The following HHAT variants were observed in gnomAD, a reference collection of about 807,000 sequenced individuals.
The protein encoded by HHAT is protein-cysteine N-palmitoyltransferase HHAT.
In HHAT, 47 loss-of-function variants were observed where a neutral mutation model predicts 70.8. That is an observed-to-expected ratio of 0.66 (90% CI 0.53 to 0.85). The LOEUF (loss-of-function observed/expected upper bound fraction) is 0.85, where lower values mean the gene tolerates loss of function less well. Among genes scored for constraint, HHAT ranks in the 40% least tolerant of loss-of-function variants. The pLI, the probability that HHAT is intolerant of heterozygous loss-of-function variation, is 0.00. For synonymous variants in HHAT, 228 were observed against 247.6 expected (o/e 0.92, Z 0.74); for missense variants, 609 against 604.8 (o/e 1.01, Z -0.07).
At chr1:210,655,264 G>A (rs993751803) in intron 11 of HHAT, among the ~76,000 whole-genome samples, 2 of 152,172 alleles carry the variant, frequency 1.3e-5, no homozygotes, top group Non-Finnish European at 2.9e-5. Context: ...CATGGAGGAG[G>A]CAGGGAGGGT....
intron 8 of HHAT, among the ~76,000 whole-genome samples, chr1:210,505,594 G>T (rs2148559393): frequency 6.6e-6 from 1 of 152,278 alleles, no homozygotes; most frequent in South Asian, 2.1e-4. Context: ...TTGAGTCTAG[G>T]TATAAACTTT....
intron 1 of HHAT, among the ~76,000 whole-genome samples, chr1:210,333,902 C>T (rs2085227419): frequency 6.6e-6 from 1 of 152,056 alleles, no homozygotes; most frequent in South Asian, 2.1e-4. Context: ...AGTGATCTGC[C>T]CACCTTGGCC....
intron 8 of HHAT, among the ~76,000 whole-genome samples, chr1:210,504,810 G>A (rs1363047165): frequency 2.6e-5 from 4 of 152,082 alleles, no homozygotes; most frequent in Admixed American, 1.3e-4. Context: ...TTCACAAAAC[G>A]TGTTTGACTG....
intron 2 of HHAT, among the ~76,000 whole-genome samples, chr1:210,355,630 G>A (rs2147997901): frequency 6.6e-6 from 1 of 152,244 alleles, no homozygotes; most frequent in East Asian, 1.9e-4. Flanking sequence ...ATTTCTAAGT[G>A]AGAGTGGTTG....
At chr1:210,362,817 T>C (rs750827932) in intron 2 of HHAT, 35 bp from the exon 3 acceptor site, 2 of 1,587,878 alleles carry the variant, frequency 1.3e-6, no homozygotes, top group Non-Finnish European at 1.7e-6. Flanking sequence ...TTTGTTTAGA[T>C]TTGTGACTAA....
rs201660418 is a variant in HHAT at position 210,653,129 on chromosome 1, T to TTATA, written c.1391-21158_1391-21155dup. ...AGCCATTAGAAAGATCAAAACAGCT[T>TTATA]TATACATACATACATACATACATAC... On this transcript the variant is annotated intron_variant, in intron 11 of 11. Coordinates refer to ENST00000261458, the MANE Select transcript of HHAT (RefSeq NM_018194.6). Among the ~76,000 whole-genome samples the TTATA allele has an allele frequency of 2.3e-3, 318 of 135,474 alleles. 1 individual carries two copies. The highest frequency in any genetic ancestry group is 7.9e-3 in the African/African-American group (303 of 38,334). The allele number at this position is 135,474 out of a possible 152,430, so 88.9% of individuals were successfully genotyped here. A position where few individuals can be genotyped will look rare whatever the true frequency, so the allele number is the denominator to read the frequency against.
chr1:210,365,429 A>C (rs1339494113), intron 3 of HHAT, among the ~76,000 whole-genome samples: 1 of 140,018 alleles, frequency 7.1e-6, no homozygotes, highest in East Asian at 2.1e-4. Context: ...TGATTCTCCC[A>C]CATCAGCTTC....
chr1:210,542,967 G>A (rs1330717649), intron 9 of HHAT, among the ~76,000 whole-genome samples: 2 of 152,174 alleles, frequency 1.3e-5, no homozygotes, highest in East Asian at 1.9e-4. Flanking sequence ...TTTGCCAACA[G>A]AGGTAGATTA....
At chr1:210,600,945 C>T (rs764919692) in intron 10 of HHAT, among the ~76,000 whole-genome samples, 48 of 152,050 alleles carry the variant, frequency 3.2e-4, no homozygotes, top group Non-Finnish European at 6.5e-4. Flanking sequence ...GCCTCCGCCT[C>T]TTTGCCCCAA....
intron 9 of HHAT, among the ~76,000 whole-genome samples, chr1:210,534,640 C>A (rs553447339): frequency 1.3e-5 from 2 of 152,172 alleles, no homozygotes; most frequent in East Asian, 3.9e-4. Context: ...ATATACATAG[C>A]CTGAAGGTAA....
chr1:210,453,862 G>T (rs1185180893), intron 7 of HHAT, among the ~76,000 whole-genome samples: 1 of 152,158 alleles, frequency 6.6e-6, no homozygotes, highest in African/African-American at 2.4e-5. Context: ...GACTGTATTA[G>T]TTTGTTTTCA....
chr1:210,660,978 A>G (rs1161701089), intron 11 of HHAT, among the ~76,000 whole-genome samples: 1 of 152,218 alleles, frequency 6.6e-6, no homozygotes, highest in African/African-American at 2.4e-5. Context: ...AAGAAAACCT[A>G]GGCAATACCA....
intron 7 of HHAT, among the ~76,000 whole-genome samples, chr1:210,431,651 A>G (rs555574701): frequency 6.6e-6 from 1 of 151,940 alleles, no homozygotes; most frequent in African/African-American, 2.4e-5. Context: ...CCTTGTGGCC[A>G]TAACTGCATC....
chr1:210,356,068 T>G (rs935482384), intron 2 of HHAT, among the ~76,000 whole-genome samples: 59 of 151,306 alleles, frequency 3.9e-4, no homozygotes, highest in African/African-American at 1.3e-3. Context: ...AGGCACACAG[T>G]ACCACACTTG....
intron 7 of HHAT, among the ~76,000 whole-genome samples, chr1:210,434,928 A>G (rs541906108): frequency 2.0e-5 from 3 of 151,894 alleles, no homozygotes; most frequent in African/African-American, 4.9e-5. Flanking sequence ...ATACATTCAT[A>G]TAATCAGAGT....
Position 210,623,633 on chromosome 1 carries a change from G to A in HHAT, c.1353G>A (p.Glu451=). 2.5e-6 allele frequency: 4 copies of A among 1,614,006 alleles called. No homozygotes were observed. Among genetic ancestry groups the A allele is most frequent in the South Asian group, 1.1e-5 (1 of 91,020 alleles). The change falls in exon 11 of 12, where the codon GAG becomes GAA. Residue 451 remains glutamate, a synonymous_variant. Coordinates refer to ENST00000261458, the MANE Select transcript of HHAT (RefSeq NM_018194.6). ...ACCTGGTATTTCTTGGGGGCAATGA[G>A]GTTGGGAAAACCTACTGGAATAGGA... is the stretch of plus-strand genomic sequence containing the variant. The part of the protein sequence containing the change: ...LSNLVFLGGN[E]VGKTYWNRIF...
rs1445792454 is a variant in HHAT at position 210,595,817 on chromosome 1, GT to G, written c.1245+7727del. Among the ~76,000 whole-genome samples the G allele has an allele frequency of 1.3e-5, 2 of 150,814 alleles. 1 individual carries two copies. The highest frequency in any genetic ancestry group is 4.2e-4 in the South Asian group (2 of 4,736). Reference sequence around the variant, plus strand: ...CGCCCACTTTTTGATGGGGTTGTTTGTTTTTTTTTCTTGTAAATTTGTTTGA... The same window carrying G: ...CGCCCACTTTTTGATGGGGTTGTTTGTTTTTTTTCTTGTAAATTTGTTTGA... On this transcript the variant is annotated intron_variant, in intron 10 of 11. Coordinates refer to ENST00000261458, the MANE Select transcript of HHAT (RefSeq NM_018194.6).
chr1:210,349,652 C>CTTTTT (rs34752131), intron 2 of HHAT, among the ~76,000 whole-genome samples: 7 of 135,918 alleles, frequency 5.2e-5, no homozygotes, highest in South Asian at 2.4e-4. Context: ...CTACCTAAAA[C>CTTTTT]TTTTTTTTTT....
At chr1:210,425,938 G>A (rs2093049045) in intron 7 of HHAT, among the ~76,000 whole-genome samples, 1 of 152,124 alleles carries the variant, frequency 6.6e-6, no homozygotes, top group African/African-American at 2.4e-5. Context: ...TGAGCAGTAT[G>A]GCCATTTTCA....
Sources: allele counts gnomAD v4.1 joint callset (sites outside exome capture counted in the v4.1 genomes callset), GRCh38; gene constraint gnomAD v4.1.1; transcripts MANE v1.5; gene names NCBI Gene and HGNC (gene_info 2026-07-23, HGNC 2026-07-21).